The following GFM2 variants were observed in gnomAD, a reference collection of about 807,000 sequenced individuals.
GFM2 encodes the protein ribosome-releasing factor 2, mitochondrial.
Under a neutral mutation model 95.4 loss-of-function variants are expected in GFM2, and 72 were observed. The ratio of observed to expected loss-of-function variants is 0.76; its 90% confidence interval spans 0.62 to 0.92. GFM2 has a LOEUF of 0.92. GFM2 is among the 40% of genes least tolerant of loss of function. GFM2 has a pLI of 0.00. For synonymous variants in GFM2, 276 were observed against 317.5 expected (o/e 0.87, Z 1.39); for missense variants, 825 against 924.1 (o/e 0.89, Z 1.39).
chr5:74,751,610 G>A (rs1020139594), intron 5 of GFM2, 117 bp from the exon 6 acceptor site: 2 of 707,256 alleles, frequency 2.8e-6, no homozygotes, highest in East Asian at 2.8e-5. Context: ...TAAAATATTT[G>A]GTTTAATAGA....
Position 74,763,782 on chromosome 5 carries a change from T to C in GFM2, c.-24-16A>G, listed in dbSNP as rs773272075. The C allele has an allele frequency of 5.9e-6, 9 of 1,536,634 alleles. No homozygotes were observed. Among genetic ancestry groups the C allele is most frequent in the Middle Eastern group, 1.7e-4 (1 of 5,904 alleles). On this transcript the variant is annotated splice_polypyrimidine_tract_variant and intron_variant, in intron 1 of 20. Transcript: ENST00000296805. ...CTGTTACTGTCTGAAAAAATAAATA[T>C]ACAAAATCAAAAAACTAAACTTATG... is the stretch of plus-strand genomic sequence containing the variant.
intron 8 of GFM2, among the ~76,000 whole-genome samples, chr5:74,746,507 A>T (rs562476648): frequency 6.6e-6 from 1 of 152,332 alleles, no homozygotes; most frequent in South Asian, 2.1e-4. Context: ...CCAATGCAAG[A>T]TTTGTGATAA....
intron 19 of GFM2, among the ~76,000 whole-genome samples, chr5:74,723,852 A>G (rs891912964): frequency 2.0e-5 from 3 of 152,076 alleles, no homozygotes; most frequent in African/African-American, 7.2e-5. Context: ...GCTTCCTACT[A>G]CTTTCATGGC....
chr5:74,728,682 G>A (rs575413790), intron 17 of GFM2, among the ~76,000 whole-genome samples: 14 of 146,926 alleles, frequency 9.5e-5, no homozygotes, highest in African/African-American at 3.5e-4. Context: ...TGCTCATTGT[G>A]CTTTTTCTCA....
chr5:74,735,555 A>G (rs1052861399), intron 15 of GFM2, among the ~76,000 whole-genome samples: 2 of 152,316 alleles, frequency 1.3e-5, no homozygotes, highest in African/African-American at 4.8e-5. Context: ...TAATATAGGA[A>G]TTCAGTGAGA....
chr5:74,745,641 C>A (rs1743343367), intron 10 of GFM2, 37 bp downstream of exon 10: 1 of 1,520,726 alleles, frequency 6.6e-7, no homozygotes, highest in African/African-American at 1.4e-5. Context: ...AAGTGGTGCA[C>A]ACATTGGTGT....
chr5:74,760,446 A>G (rs901506449), intron 3 of GFM2, among the ~76,000 whole-genome samples: 1 of 152,114 alleles, frequency 6.6e-6, no homozygotes, highest in African/African-American at 2.4e-5. Context: ...AAGTAAGTCA[A>G]CTCCTCCACC....
Position 74,721,274 on chromosome 5 carries a change from T to TA in GFM2, c.*380_*381insT. On this transcript the variant is annotated 3_prime_UTR_variant, in exon 21 of 21. Coordinates refer to ENST00000296805, the MANE Select transcript of GFM2 (RefSeq NM_032380.5). The stretch of plus-strand genomic sequence containing the variant: ...ATTAGACTGTTTTTTGAATAAAATA[T>TA]TTTTATTGATTGAACCTTTGACCCT... 1 of 976,958 alleles carries TA rather than the reference T, an allele frequency of 1.0e-6. No homozygotes were observed. The highest frequency in any genetic ancestry group is 1.6e-6 in the Non-Finnish European group (1 of 614,556). 60.5% of individuals were successfully genotyped at this position (976,958 alleles called of 1,614,324 possible).
chr5:74,743,838 C>T (rs1391301860), intron 10 of GFM2, among the ~76,000 whole-genome samples: 1 of 152,190 alleles, frequency 6.6e-6, no homozygotes, highest in Non-Finnish European at 1.5e-5. Context: ...AGCTGTGTGA[C>T]AACTTATTTA....
chr5:74,766,589 A>G (rs1744628407), intron 1 of GFM2, among the ~76,000 whole-genome samples: 1 of 152,108 alleles, frequency 6.6e-6, no homozygotes, highest in Admixed American at 6.5e-5. Context: ...ATGCCTCAGA[A>G]ATTTCTGGAA....
At chr5:74,726,225 T>C (rs894628083) in intron 17 of GFM2, 99 bp from the exon 18 acceptor site, 12 of 769,814 alleles carry the variant, frequency 1.6e-5, no homozygotes, top group African/African-American at 5.3e-5. Flanking sequence ...CAGGGTCTCA[T>C]ACAAGATAAA....
At position 74,721,415 on chromosome 5, in the gene GFM2, A is replaced by ATAGATGAACAGCATGATTC. The variant is rs1255013920; in HGVS notation, c.*221_*239dup. The ATAGATGAACAGCATGATTC allele has an allele frequency of 4.2e-6, 3 of 712,486 alleles. No homozygotes were observed. Among genetic ancestry groups the ATAGATGAACAGCATGATTC allele is most frequent in the Non-Finnish European group, 7.6e-6 (3 of 395,004 alleles). The allele number at this position is 712,486 out of a possible 1,614,324, so 44.1% of individuals were successfully genotyped here. On this transcript the variant is annotated 3_prime_UTR_variant, in exon 21 of 21. Coordinates refer to ENST00000296805, the MANE Select transcript of GFM2 (RefSeq NM_032380.5). ...GAAGGCTACTTATAGTAATAACTTC[A>ATAGATGAACAGCATGATTC]TAGATGAACAGCATGATTCAGGTAC... is the stretch of plus-strand genomic sequence containing the variant.
chr5:74,763,240 G>A (rs147355762), intron 2 of GFM2, among the ~76,000 whole-genome samples: 1 of 152,328 alleles, frequency 6.6e-6, no homozygotes, highest in African/African-American at 2.4e-5. Flanking sequence ...GCAGAAGACA[G>A]CCAAAAGTAG....
intron 15 of GFM2, 50 bp downstream of exon 15, chr5:74,736,746 A>C (rs1207674034): frequency 1.2e-6 from 2 of 1,607,784 alleles, no homozygotes; most frequent in South Asian, 2.2e-5. Flanking sequence ...CAACTATTTT[A>C]TATAAATTAT....
chr5:74,760,350 C>G (rs1472182308), intron 3 of GFM2, among the ~76,000 whole-genome samples: 1 of 152,110 alleles, frequency 6.6e-6, no homozygotes, highest in African/African-American at 2.4e-5. Context: ...ATGACAAACA[C>G]AGTAATGAGA....
intron 12 of GFM2, among the ~76,000 whole-genome samples, chr5:74,738,900 G>A (rs940961481): frequency 3.9e-5 from 6 of 151,998 alleles, no homozygotes; most frequent in Admixed American, 3.9e-4. Context: ...TCATTGCCAA[G>A]AGCTCTCCCC....
chr5:74,728,554 C>G (rs776545191), intron 17 of GFM2, among the ~76,000 whole-genome samples: 13 of 151,996 alleles, frequency 8.6e-5, no homozygotes, highest in Non-Finnish European at 1.5e-4. Context: ...CAAGGGTCAA[C>G]TGTACTTTCT....
At chr5:74,750,796 A>C (rs1743661153) in intron 6 of GFM2, 129 bp from the exon 7 acceptor site, 1 of 648,468 alleles carries the variant, frequency 1.5e-6, no homozygotes, top group Admixed American at 2.9e-5. Context: ...AAGGTATTGA[A>C]AGCAGAGTCT....
At chr5:74,743,981 T>C (rs1251623460) in intron 10 of GFM2, among the ~76,000 whole-genome samples, 2 of 152,132 alleles carry the variant, frequency 1.3e-5, no homozygotes, top group East Asian at 1.9e-4. Flanking sequence ...ATAACAAAAA[T>C]AACAATTATT....
Sources: allele counts gnomAD v4.1 joint callset (sites outside exome capture counted in the v4.1 genomes callset), GRCh38; gene constraint gnomAD v4.1.1; transcripts MANE v1.5; gene names NCBI Gene and HGNC (gene_info 2026-07-23, HGNC 2026-07-21).